CEP41: variants seen among roughly 807,000 people sequenced by gnomAD.
CEP41 encodes the protein centrosomal protein 41.
Under a neutral mutation model 44.3 loss-of-function variants are expected in CEP41, and 32 were observed. The ratio of observed to expected loss-of-function variants is 0.72; its 90% confidence interval spans 0.54 to 0.97. The LOEUF (loss-of-function observed/expected upper bound fraction) is 0.97. CEP41 is among the 50% of genes least tolerant of loss of function. The probability of loss-of-function intolerance (pLI) is 0.00; values close to 1 mark genes in which losing one functional copy is unlikely to be tolerated. For synonymous variants in CEP41, 151 were observed against 168.5 expected (o/e 0.90, Z 0.80); for missense variants, 432 against 455.2 (o/e 0.95, Z 0.46).
At chr7:130,419,435 A>G (rs1797432983) in intron 2 of CEP41, 1 of 985,314 alleles carries the variant, frequency 1.0e-6, no homozygotes, top group South Asian at 4.7e-5. Flanking sequence ...AGCCTATCTT[A>G]CTGTATCTAA....
In CEP41 at chr7:130,396,620, T is replaced by G. The variant is rs1554414655; in HGVS notation, c.*2271A>C. 1 of 454,564 alleles carries G rather than the reference T, an allele frequency of 2.2e-6. No homozygotes were observed. The highest frequency in any genetic ancestry group is 4.4e-6 in the Non-Finnish European group (1 of 226,798). 28.2% of individuals were successfully genotyped at this position (454,564 alleles called of 1,614,324 possible). ...AAATAATACATGTCAATTAATCTAATGAAGAAACTGGCAAAGTAGAATGTT... is the reference window on the plus strand; with the variant it reads ...AAATAATACATGTCAATTAATCTAAGGAAGAAACTGGCAAAGTAGAATGTT... On this transcript the variant is annotated 3_prime_UTR_variant, in exon 11 of 11. Coordinates refer to ENST00000223208, the MANE Select transcript of CEP41 (RefSeq NM_018718.3).
rs1554413468 is a variant in CEP41, at chr7:130,394,068, C to T, written c.*4823G>A. ...CGGAGGAAAGTTTTCAAAAGAATCT[C>T]GGCTGACTAGGAGGGAAGGGAAGCC... On this transcript the variant is annotated 3_prime_UTR_variant, in exon 11 of 11. Transcript: ENST00000223208. 4.4e-6 allele frequency: 2 copies of T among 454,028 alleles called. No homozygotes were observed. Among genetic ancestry groups the T allele is most frequent in the African/African-American group, 2.0e-5 (1 of 50,082 alleles). The allele number at this position is 454,028 out of a possible 1,614,324, so 28.1% of individuals were successfully genotyped here.
At chr7:130,428,313 A>G (rs1329831199) in intron 1 of CEP41, among the ~76,000 whole-genome samples, 1 of 150,572 alleles carries the variant, frequency 6.6e-6, no homozygotes, top group African/African-American at 2.4e-5. Flanking sequence ...AATCCCAGCT[A>G]CTCGGGAGGC....
intron 8 of CEP41, 162 bp from the exon 9 acceptor site, chr7:130,400,983 A>G (rs1357686950): frequency 3.1e-6 from 2 of 640,244 alleles, no homozygotes; most frequent in East Asian, 2.8e-5. Context: ...ATGGTTTCCC[A>G]TCATGGAAAC....
chr7:130,420,072 A>C (rs1797457208), intron 2 of CEP41: 2 of 985,268 alleles, frequency 2.0e-6, no homozygotes. Context: ...CTGCAATCCC[A>C]GCACGTTGGG....
At chr7:130,405,828 C>T (rs542345355) in intron 5 of CEP41, among the ~76,000 whole-genome samples, 2 of 152,284 alleles carry the variant, frequency 1.3e-5, no homozygotes, top group South Asian at 4.1e-4. Context: ...CAAGTTTTAT[C>T]TGAAAGGACT....
chr7:130,440,817 G>A (rs1554427443), intron 1 of CEP41, 117 bp downstream of exon 1: 5 of 317,172 alleles, frequency 1.6e-5, no homozygotes, highest in Non-Finnish European at 2.2e-5. Flanking sequence ...CCCTCCTCAC[G>A]CCGGCCCCTT....
intron 10 of CEP41, 151 bp from the exon 11 acceptor site, chr7:130,399,190 C>CTGCA: frequency 1.1e-6 from 1 of 874,742 alleles, no homozygotes; most frequent in Admixed American, 2.0e-5. Context: ...CAACGATGGC[C>CTGCA]TACTCCTCAT....
chr7:130,413,175 G>GT (rs1797234965), intron 3 of CEP41, among the ~76,000 whole-genome samples: 1 of 152,028 alleles, frequency 6.6e-6, no homozygotes, highest in South Asian at 2.1e-4. Flanking sequence ...TATTTTAGTA[G>GT]AGACGGGGTT....
At chr7:130,407,848 A>G (rs979134247) in intron 5 of CEP41, among the ~76,000 whole-genome samples, 6 of 152,334 alleles carry the variant, frequency 3.9e-5, no homozygotes, top group South Asian at 2.1e-4. Flanking sequence ...CCTCATATAT[A>G]TCAAAAACCA....
chr7:130,414,324 C>G (rs1797272544), intron 3 of CEP41, among the ~76,000 whole-genome samples: 1 of 152,214 alleles, frequency 6.6e-6, no homozygotes, highest in African/African-American at 2.4e-5. Flanking sequence ...ATAGGCCGAG[C>G]TGAGGCTTTA....
chr7:130,440,409 G>C (rs1554427267), intron 1 of CEP41: 1 of 208,316 alleles, frequency 4.8e-6, no homozygotes, highest in Non-Finnish European at 9.7e-6. Context: ...AACGTTTGTT[G>C]AAACTGCCAC....
intron 2 of CEP41, chr7:130,419,162 AAAC>A (rs1554421544): frequency 1.0e-6 from 1 of 985,332 alleles, no homozygotes; most frequent in African/African-American, 1.7e-5. Flanking sequence ...GAAGGCTGAG[AAAC>A]AAGTTTTTTG....
intron 1 of CEP41, 52 bp downstream of exon 1, chr7:130,440,882 T>G: frequency 6.4e-7 from 1 of 1,571,278 alleles, no homozygotes; most frequent in South Asian, 1.1e-5. Context: ...CACATGAGCC[T>G]TTTCCGGTGC....
At position 130,440,747 on chromosome 7, in the gene CEP41, G is replaced by A. The variant is rs931739791; in HGVS notation, c.33+187C>T. ...CGGGGAGAGATCGCTCCTCAAAACGGGGTCCTGAACGCTGCCCCGCGGCCC... is the reference window on the plus strand; with the variant it reads ...CGGGGAGAGATCGCTCCTCAAAACGAGGTCCTGAACGCTGCCCCGCGGCCC... On this transcript the variant is annotated intron_variant, in intron 1 of 10. Coordinates refer to ENST00000223208, the MANE Select transcript of CEP41 (RefSeq NM_018718.3). 4 of 661,088 alleles carry A rather than the reference G, an allele frequency of 6.1e-6. No homozygotes were observed. The East Asian group carries it at 1.1e-4, about 17-fold the overall frequency. 41.0% of individuals were successfully genotyped at this position (661,088 alleles called of 1,614,324 possible). A position where few individuals can be genotyped will look rare whatever the true frequency, so the allele number is the denominator to read the frequency against.
intron 1 of CEP41, among the ~76,000 whole-genome samples, chr7:130,439,412 TC>T (rs1798072774): frequency 6.6e-6 from 1 of 151,608 alleles, no homozygotes; most frequent in South Asian, 2.1e-4. Context: ...GGGTTATGAG[TC>T]TGCTGTAATT....
chr7:130,399,097 C>T, intron 10 of CEP41, 58 bp from the exon 11 acceptor site: 2 of 1,599,272 alleles, frequency 1.3e-6, no homozygotes, highest in Non-Finnish European at 8.5e-7. Context: ...GGACAATCTG[C>T]CAAGTACAGT....
At chr7:130,400,876 C>A in intron 8 of CEP41, 55 bp from the exon 9 acceptor site, 1 of 1,129,840 alleles carries the variant, frequency 8.9e-7, no homozygotes, top group Non-Finnish European at 1.3e-6. Flanking sequence ...CCCAAGACTA[C>A]GAGAAACCCC....
Position 130,395,845 on chromosome 7 carries a change from T to A in CEP41, c.*3046A>T. On this transcript the variant is annotated 3_prime_UTR_variant, in exon 11 of 11. Coordinates refer to ENST00000223208, the MANE Select transcript of CEP41 (RefSeq NM_018718.3). ...TCATTCGGATTTATACCAAGCCCAA[T>A]ATGATCGTGCTGGTCCTGGCTAACC... 2.2e-6 allele frequency: 1 copy of A among 449,702 alleles called. No homozygotes were observed. The allele number at this position is 449,702 out of a possible 1,614,324, so 27.9% of individuals were successfully genotyped here. A position where few individuals can be genotyped will look rare whatever the true frequency, so the allele number is the denominator to read the frequency against.
Sources: allele counts gnomAD v4.1 joint callset (sites outside exome capture counted in the v4.1 genomes callset), GRCh38; gene constraint gnomAD v4.1.1; transcripts MANE v1.5; gene names NCBI Gene and HGNC (gene_info 2026-07-23, HGNC 2026-07-21).